Variants in CERS6 observed in about 807,000 individuals in gnomAD.
CERS6 encodes ceramide synthase 6, also known as LAG1 homolog, ceramide synthase 6.
CERS6 carries 26 observed loss-of-function variants against 56.8 expected under a neutral mutation model. The observed-to-expected ratio is 0.46, with a 90% CI of 0.34 to 0.63. CERS6 has a LOEUF of 0.63. CERS6 is among the 30% of genes least tolerant of loss of function. CERS6 has a pLI of 0.01. For synonymous variants in CERS6, 164 were observed against 173.3 expected, an observed-to-expected ratio of 0.95 and a Z score of 0.42; for missense variants, 415 against 467.5, an observed-to-expected ratio of 0.89 and a Z score of 1.04.
intron 1 of CERS6, among the ~76,000 whole-genome samples, chr2:168,484,167 G>GTTTTTTTTTTTTTTTTTTTTTT (rs34492119): frequency 3.9e-5 from 2 of 51,610 alleles, no homozygotes; most frequent in African/African-American, 7.1e-5. Context: ...TCTTTTTTCT[G>GTTTTTTTTTTTTTTTTTTTTTT]TTTTTTTTTT....
chr2:168,561,095 G>GGGGAAAAAAACCTCT, intron 2 of CERS6, 97 bp from the exon 3 acceptor site: 1 of 1,316,012 alleles, frequency 7.6e-7, no homozygotes, highest in Non-Finnish European at 1.1e-6. Flanking sequence ...TAAACAATAG[G>GGGGAAAAAAACCTCT]GGGAAAAAAA....
rs1684045515 is a variant in CERS6 at position 168,606,062 on chromosome 2, C to G, written c.408-24923C>G. ...TCCACCAGCAGCTTGGACCCTGCACCTGGAAAAGCTGCAGTGCTCACTGCC... is the reference window on the plus strand; with the variant it reads ...TCCACCAGCAGCTTGGACCCTGCACGTGGAAAAGCTGCAGTGCTCACTGCC... On this transcript the variant is annotated intron_variant, in intron 3 of 9. Transcript: ENST00000305747. Among the ~76,000 whole-genome samples, 4 of 152,326 alleles carry G rather than the reference C, an allele frequency of 2.6e-5. No individual in the cohort carries two copies. In the South Asian group the frequency reaches 8.3e-4, roughly 32 times the overall value.
intron 3 of CERS6, among the ~76,000 whole-genome samples, chr2:168,618,918 C>T (rs1678680188): frequency 1.3e-5 from 2 of 152,076 alleles, no homozygotes; most frequent in Admixed American, 1.3e-4. Flanking sequence ...GCCTACATAG[C>T]CAAAGCAAGA....
chr2:168,494,691 T>A (rs1694432834), intron 1 of CERS6, among the ~76,000 whole-genome samples: 2 of 152,040 alleles, frequency 1.3e-5, no homozygotes, highest in Admixed American at 6.6e-5. Flanking sequence ...TAGAGTTGAT[T>A]GAGGGGACTT....
chr2:168,689,794 A>G (rs1686451862), intron 4 of CERS6, among the ~76,000 whole-genome samples: 1 of 152,188 alleles, frequency 6.6e-6, no homozygotes, highest in African/African-American at 2.4e-5. Context: ...AAATGTAAAG[A>G]TTCTGGAACA....
rs143584044 is a variant in CERS6, at chr2:168,592,561, G to C, written c.407+31239G>C. Among the ~76,000 whole-genome samples, 763 of 152,218 alleles carry C rather than the reference G, an allele frequency of 5.0e-3. 10 individuals are homozygous for C. Among genetic ancestry groups the C allele is most frequent in the African/African-American group, 0.017 (714 of 41,538 alleles). On this transcript the variant is annotated intron_variant, in intron 3 of 9. Coordinates refer to ENST00000305747, the MANE Select transcript of CERS6 (RefSeq NM_203463.3). ...CATGGGGTGGAGGCAGGCTGTTGGT[G>C]TGGTGCCCTGCAGAATTAGCAGGAA... is the stretch of plus-strand genomic sequence containing the variant.
chr2:168,533,131 CTTG>C (rs1695197200), intron 1 of CERS6, among the ~76,000 whole-genome samples: 1 of 152,150 alleles, frequency 6.6e-6, no homozygotes, highest in Non-Finnish European at 1.5e-5. Context: ...GAATATTATA[CTTG>C]TTGTGTATCT....
At position 168,645,138 on chromosome 2, in the gene CERS6, TATATAGAGAG is replaced by T. The variant is rs1454738574; in HGVS notation, c.465+14098_465+14107del. Among the ~76,000 whole-genome samples, 83 of 30,018 alleles carry T rather than the reference TATATAGAGAG, an allele frequency of 2.8e-3. 2 individuals are homozygous for T. Among genetic ancestry groups the T allele is most frequent in the Non-Finnish European group, 4.3e-3 (74 of 17,230 alleles). 19.7% of individuals were successfully genotyped at this position (30,018 alleles called of 152,430 possible). A position where few individuals can be genotyped will look rare whatever the true frequency, so the allele number is the denominator to read the frequency against. On this transcript the variant is annotated intron_variant, in intron 4 of 9. Transcript: ENST00000305747. ...AAAAATATATATATATATATATATATATATAGAGAGAGAGAGAGAGAGAGAGAGAGAGAGA... is the reference window on the plus strand; with the variant it reads ...AAAAATATATATATATATATATATATAGAGAGAGAGAGAGAGAGAGAGAGA...
chr2:168,554,947 G>T (rs747127149), intron 2 of CERS6, among the ~76,000 whole-genome samples: 16 of 151,972 alleles, frequency 1.1e-4, no homozygotes, highest in Non-Finnish European at 2.2e-4. Context: ...TCATAAAAAG[G>T]AATTGAAGAA....
chr2:168,456,813 C>A lies in CERS6; in HGVS notation c.170+195C>A, dbSNP rs1693672856. On this transcript the variant is annotated intron_variant, in intron 1 of 9. Transcript: ENST00000305747. The surrounding 1 kb of genome is among the most constrained non-coding windows in gnomAD (Gnocchi z 4.1). The stretch of plus-strand genomic sequence containing the variant: ...GAGCCAGAAAGGGTCTGGCTTGCCA[C>A]GGATTTCCTCCCGGGCGCCGGGGAG... Among the ~76,000 whole-genome samples, 1 of 152,168 alleles carries A rather than the reference C, an allele frequency of 6.6e-6. No individual in the cohort carries two copies. The highest frequency in any genetic ancestry group is 2.1e-4 in the South Asian group (1 of 4,830).
chr2:168,497,855 T>C (rs768321094), intron 1 of CERS6, among the ~76,000 whole-genome samples: 1 of 152,148 alleles, frequency 6.6e-6, no homozygotes, highest in Non-Finnish European at 1.5e-5. Flanking sequence ...AGGAGACTGC[T>C]ATAAAATCGA....
intron 2 of CERS6, among the ~76,000 whole-genome samples, chr2:168,552,725 A>C (rs76566605): frequency 0.083 from 12,651 of 152,180 alleles, 687 homozygotes; most frequent in Middle Eastern, 0.19. Flanking sequence ...TGTTTTCAGG[A>C]GTCCATCTCC....
At chr2:168,668,572 G>A (rs560417413) in intron 4 of CERS6, among the ~76,000 whole-genome samples, 6 of 151,284 alleles carry the variant, frequency 4.0e-5, no homozygotes, top group East Asian at 2.0e-4. Flanking sequence ...TCAGTCTCAC[G>A]AGTAGCTGGG....
chr2:168,595,758 A>G (rs1027312706), intron 3 of CERS6, among the ~76,000 whole-genome samples: 2 of 152,240 alleles, frequency 1.3e-5, no homozygotes, highest in Non-Finnish European at 2.9e-5. Flanking sequence ...TTTGACTCAC[A>G]TGAATATTGC....
intron 6 of CERS6, among the ~76,000 whole-genome samples, chr2:168,701,898 G>A (rs941728730): frequency 2.6e-5 from 4 of 151,970 alleles, no homozygotes; most frequent in Admixed American, 1.3e-4. Context: ...TTGTACAACC[G>A]ATGCACATCC....
intron 3 of CERS6, among the ~76,000 whole-genome samples, chr2:168,602,367 T>C (rs1380768613): frequency 6.6e-6 from 1 of 152,234 alleles, no homozygotes; most frequent in Non-Finnish European, 1.5e-5. Flanking sequence ...TTTAGTACTT[T>C]TGCTAAATGT....
In CERS6 at chr2:168,664,640, T is replaced by G. The variant is rs181899173; in HGVS notation, c.466-26394T>G. Among the ~76,000 whole-genome samples, 131 of 152,306 alleles carry G rather than the reference T, an allele frequency of 8.6e-4. 2 individuals carry two copies. The highest frequency in any genetic ancestry group is 3.1e-3 in the African/African-American group (127 of 41,590). On this transcript the variant is annotated intron_variant, in intron 4 of 9. Coordinates refer to ENST00000305747, the MANE Select transcript of CERS6 (RefSeq NM_203463.3). The stretch of plus-strand genomic sequence containing the variant: ...TTTTAGACCATATAGGGTAACTTCC[T>G]GATGTTGCCATGGCATTTGTAAACT...
chr2:168,470,997 CTT>C (rs1553482806), intron 1 of CERS6, among the ~76,000 whole-genome samples: 1 of 152,092 alleles, frequency 6.6e-6, no homozygotes, highest in African/African-American at 2.4e-5. Context: ...GGTCTCTAAG[CTT>C]TAAACAGGCT....
chr2:168,741,907 C>G (rs1396375963), intron 8 of CERS6, among the ~76,000 whole-genome samples: 1 of 152,220 alleles, frequency 6.6e-6, no homozygotes, highest in East Asian at 1.9e-4. Flanking sequence ...CTGAAAACAT[C>G]AGTTTCAGTA....
Sources: allele counts gnomAD v4.1 joint callset (sites outside exome capture counted in the v4.1 genomes callset), GRCh38; gene constraint gnomAD v4.1.1; non-coding constraint Gnocchi (gnomAD v3.1); transcripts MANE v1.5; gene names NCBI Gene and HGNC (gene_info 2026-07-23, HGNC 2026-07-21).